The following ENPP1 variants were observed in gnomAD, a reference collection of about 807,000 sequenced individuals.
The protein encoded by ENPP1 is ectonucleotide pyrophosphatase/phosphodiesterase 1.
ENPP1 carries 73 observed loss-of-function variants against 122.8 expected under a neutral mutation model. The ratio of observed to expected loss-of-function variants is 0.59; its 90% CI spans 0.49 to 0.72. The LOEUF (loss-of-function observed/expected upper bound fraction) is 0.72. ENPP1 is among the 30% of genes least tolerant of loss of function. The pLI is 0.00. For missense variants in ENPP1, 978 were observed against 1,128.1 expected, an observed-to-expected ratio of 0.87 and a Z score of 1.91; for synonymous variants, 367 against 391.6, an observed-to-expected ratio of 0.94 and a Z score of 0.74.
At position 131,890,509 on chromosome 6, in the gene ENPP1, T is replaced by C; in HGVS notation, c.2776T>C (p.Ter926ArgextTer9). 1.2e-6 allele frequency: 2 copies of C among 1,612,538 alleles called. No individual in the cohort carries two copies. Among genetic ancestry groups the C allele is most frequent in the Non-Finnish European group, 1.7e-6 (2 of 1,178,520 alleles). ...THLPTFSQED[*>R] Reference sequence around the variant, plus strand: ...TTTGCCAACCTTTAGCCAAGAAGACTGATATGTTTTTTATCCCCAAACACC... The same window carrying C: ...TTTGCCAACCTTTAGCCAAGAAGACCGATATGTTTTTTATCCCCAAACACC... The change falls in exon 25 of 25, where the codon TGA (stop) becomes CGA (arginine). Residue 926 changes from the stop codon to arginine (R), a stop_lost. Coordinates refer to ENST00000647893, the MANE Select transcript of ENPP1 (RefSeq NM_006208.3).
intron 1 of ENPP1, chr6:131,827,917 C>T (rs1781565175): frequency 1.7e-6 from 2 of 1,189,530 alleles, no homozygotes; most frequent in African/African-American, 1.5e-5. Flanking sequence ...TGACAGGGTG[C>T]AGGTGGTCCG....
intron 1 of ENPP1, among the ~76,000 whole-genome samples, chr6:131,843,638 C>A (rs1165712943): frequency 6.6e-6 from 1 of 151,210 alleles, no homozygotes; most frequent in Non-Finnish European, 1.5e-5. Flanking sequence ...CCCCACCTTT[C>A]CCTCTCCCAG....
At chr6:131,816,520 C>CTAAGTTATGCAT (rs1164129519) in intron 1 of ENPP1, among the ~76,000 whole-genome samples, 3 of 152,120 alleles carry the variant, frequency 2.0e-5, no homozygotes, top group Non-Finnish European at 2.9e-5. Context: ...CGGATAAAAA[C>CTAAGTTATGCAT]TAAGTTATGC....
chr6:131,832,305 A>G (rs2114672187), intron 1 of ENPP1, among the ~76,000 whole-genome samples: 1 of 152,096 alleles, frequency 6.6e-6, no homozygotes, highest in East Asian at 1.9e-4. Context: ...AACTCTGTGC[A>G]TTTCCCAGAG....
rs1585836086 is a variant in ENPP1, at chr6:131,875,796, A to G, written c.1656A>G (p.Gly552=). The change falls in exon 17 of 25, where the codon GGA becomes GGG. Residue 552 remains glycine, a synonymous_variant. Transcript: ENST00000647893. ...TCTAGGCCCTCTTTGTTGGCTATGG[A>G]CCTGGATTCAAGCATGGCATTGAGG... ...SNMQALFVGY[G]PGFKHGIEAD... 2 of 1,614,004 alleles carry G rather than the reference A, an allele frequency of 1.2e-6. No homozygotes were observed.
At chr6:131,809,100 GACA>G (rs1195294525) in intron 1 of ENPP1, among the ~76,000 whole-genome samples, 1 of 152,084 alleles carries the variant, frequency 6.6e-6, no homozygotes, top group Non-Finnish European at 1.5e-5. Context: ...GTGAAAATGG[GACA>G]ACATCAACTC....
intron 1 of ENPP1, chr6:131,826,972 A>G: frequency 2.5e-6 from 1 of 404,282 alleles, no homozygotes; most frequent in Non-Finnish European, 4.6e-6. Flanking sequence ...ATTCTGCTCC[A>G]AAAAGCCAGT....
At chr6:131,852,602 A>G (rs1585816782) in intron 5 of ENPP1, among the ~76,000 whole-genome samples, 1 of 152,180 alleles carries the variant, frequency 6.6e-6, no homozygotes, top group Admixed American at 6.5e-5. Context: ...GTGTTTGGCA[A>G]TGGTGGAACA....
At chr6:131,830,473 C>G (rs1781597191) in intron 1 of ENPP1, among the ~76,000 whole-genome samples, 1 of 152,136 alleles carries the variant, frequency 6.6e-6, no homozygotes, top group Non-Finnish European at 1.5e-5. Flanking sequence ...GAAGGGGAGT[C>G]CAGGCACCTG....
intron 18 of ENPP1, chr6:131,877,559 C>T (rs1238775793): frequency 5.2e-6 from 1 of 192,846 alleles, no homozygotes; most frequent in East Asian, 1.3e-4. Context: ...AAATACAATT[C>T]AGATTGTTTA....
intron 13 of ENPP1, 73 bp downstream of exon 13, chr6:131,869,562 C>T: frequency 6.7e-7 from 1 of 1,500,862 alleles, no homozygotes; most frequent in Non-Finnish European, 9.2e-7. Flanking sequence ...GGCACAGTGG[C>T]TCATGCCTGT....
chr6:131,848,263 C>G (rs1181183065), intron 2 of ENPP1, among the ~76,000 whole-genome samples: 1 of 152,146 alleles, frequency 6.6e-6, no homozygotes, highest in East Asian at 1.9e-4. Context: ...TTGGTTGTTT[C>G]AAAGCCACAA....
chr6:131,869,769 T>C (rs1157913600), intron 13 of ENPP1, among the ~76,000 whole-genome samples: 1 of 147,408 alleles, frequency 6.8e-6, no homozygotes, highest in East Asian at 2.0e-4. Context: ...GGTACAAGAA[T>C]CGCTTGAACC....
intron 4 of ENPP1, 109 bp downstream of exon 4, chr6:131,851,376 T>C: frequency 2.2e-6 from 3 of 1,368,134 alleles, no homozygotes; most frequent in South Asian, 1.2e-5. Context: ...TGGCCAACTA[T>C]ATTAGCTGAA....
At chr6:131,820,896 C>T (rs752848741) in intron 1 of ENPP1, among the ~76,000 whole-genome samples, 10 of 152,118 alleles carry the variant, frequency 6.6e-5, no homozygotes, top group Non-Finnish European at 1.3e-4. Flanking sequence ...TAAATAGTAC[C>T]ACAACTGTAG....
chr6:131,869,060 T>C (rs909389325), intron 12 of ENPP1, among the ~76,000 whole-genome samples: 1 of 152,200 alleles, frequency 6.6e-6, no homozygotes, highest in African/African-American at 2.4e-5. Flanking sequence ...GGCAAATAAC[T>C]GGGCTTTCAC....
At position 131,808,175 on chromosome 6, in the gene ENPP1, C is replaced by T. The variant is rs1453557958; in HGVS notation, c.140C>T (p.Ala47Val). ...AEAPGDPQAA[A>V]SLLAPMDVGE... is the part of the protein sequence containing the mutation. ...GCGCCCGGGGACCCGCAGGCGGCCG[C>T]GTCCTTGCTGGCCCCTATGGACGTG... is the stretch of plus-strand genomic sequence containing the variant. The change falls in exon 1 of 25, where the codon GCG becomes GTG. Residue 47 changes from alanine to valine, a missense_variant. Transcript: ENST00000647893. 1.4e-6 allele frequency: 2 copies of T among 1,466,830 alleles called. No homozygotes were observed. The highest frequency in any genetic ancestry group is 1.3e-5 in the South Asian group (1 of 74,468). 90.9% of individuals were successfully genotyped at this position (1,466,830 alleles called of 1,614,324 possible).
At chr6:131,878,499 CAT>C (rs1562183590) in intron 18 of ENPP1, 41 bp from the exon 19 acceptor site, 1 of 1,244,634 alleles carries the variant, frequency 8.0e-7, no homozygotes, top group Non-Finnish European at 1.2e-6. Context: ...AAATTTAAAA[CAT>C]GTCTCTCAGT....
intron 19 of ENPP1, 43 bp from the exon 20 acceptor site, chr6:131,879,837 A>C: frequency 1.3e-6 from 2 of 1,551,030 alleles, no homozygotes; most frequent in South Asian, 1.1e-5. Flanking sequence ...ATATTATCAT[A>C]TAATGCACAC....
Sources: allele counts gnomAD v4.1 joint callset (sites outside exome capture counted in the v4.1 genomes callset), GRCh38; gene constraint gnomAD v4.1.1; transcripts MANE v1.5; gene names NCBI Gene and HGNC (gene_info 2026-07-23, HGNC 2026-07-21).